The following DAB1 variants were observed in gnomAD, a reference collection of about 807,000 sequenced individuals.
DAB1 encodes disabled homolog 1.
In DAB1, 15 loss-of-function variants were observed where a neutral mutation model predicts 64.6. The ratio of observed to expected loss-of-function variants is 0.23; its 90% CI spans 0.16 to 0.36. The LOEUF is 0.36. DAB1 is among the 10% of genes least tolerant of loss of function. The pLI is 1.00. For missense variants in DAB1, 596 were observed against 706.7 expected, an observed-to-expected ratio of 0.84 and a Z score of 1.78; for synonymous variants, 235 against 251.9, an observed-to-expected ratio of 0.93 and a Z score of 0.64.
At chr1:57,984,189 AAAG>A (rs1557594870) in intron 5 of DAB1, among the ~76,000 whole-genome samples, 14,817 of 101,764 alleles carry the variant, frequency 0.15, 3,047 homozygotes, top group Admixed American at 0.17. Flanking sequence ...TAAAAAAAAG[AAAG>A]AAAGAAAGAA....
At chr1:58,379,428 A>G (rs1197685532) in intron 3 of DAB1, among the ~76,000 whole-genome samples, 23 of 152,200 alleles carry the variant, frequency 1.5e-4, no homozygotes, top group Non-Finnish European at 1.5e-5. Context: ...ATGGATTACA[A>G]CCCATTGAAA....
intron 2 of DAB1, among the ~76,000 whole-genome samples, chr1:57,146,077 T>C (rs959459555): frequency 1.3e-5 from 2 of 152,216 alleles, no homozygotes; most frequent in Non-Finnish European, 2.9e-5. Flanking sequence ...AGATAATATT[T>C]TGCTAAGACA....
chr1:57,679,728 A>G (rs1267603516), intron 6 of DAB1, among the ~76,000 whole-genome samples: 1 of 152,190 alleles, frequency 6.6e-6, no homozygotes, highest in Non-Finnish European at 1.5e-5. Context: ...AAAGTGGGAG[A>G]GACATATAAT....
At chr1:57,806,346 A>C (rs1254144732) in intron 6 of DAB1, among the ~76,000 whole-genome samples, 1 of 152,194 alleles carries the variant, frequency 6.6e-6, no homozygotes, top group Non-Finnish European at 1.5e-5. Flanking sequence ...AAATGAGGTC[A>C]TTAGGATAGA....
At chr1:58,439,868 TA>T (rs1004328941) in intron 3 of DAB1, among the ~76,000 whole-genome samples, 1 of 152,210 alleles carries the variant, frequency 6.6e-6, no homozygotes, top group African/African-American at 2.4e-5. Flanking sequence ...TCAGCCTCAT[TA>T]ACCCACTTTT....
chr1:57,096,020 G>A (rs1174341978), intron 4 of DAB1, among the ~76,000 whole-genome samples: 1 of 152,180 alleles, frequency 6.6e-6, no homozygotes, highest in East Asian at 1.9e-4. Flanking sequence ...TTGACTAAAT[G>A]TTTTCTTCTT....
At chr1:58,099,762 A>G (rs1197028096) in intron 5 of DAB1, among the ~76,000 whole-genome samples, 1 of 152,220 alleles carries the variant, frequency 6.6e-6, no homozygotes, top group Non-Finnish European at 1.5e-5. Context: ...TCTTATATAC[A>G]AGTAAACAAC....
intron 3 of DAB1, among the ~76,000 whole-genome samples, chr1:58,380,011 C>A (rs11588152): frequency 0.081 from 12,390 of 152,214 alleles, 682 homozygotes; most frequent in South Asian, 0.12. Flanking sequence ...TTCATGTCAG[C>A]CCCTAGAAGC....
At chr1:57,354,379 T>C (rs139127170) in intron 1 of DAB1, among the ~76,000 whole-genome samples, 7 of 152,210 alleles carry the variant, frequency 4.6e-5, no homozygotes, top group African/African-American at 1.4e-4. Flanking sequence ...CTAAAGACTT[T>C]ATGTGGGTTG....
intron 1 of DAB1, among the ~76,000 whole-genome samples, chr1:57,870,180 A>C (rs1419625775): frequency 2.0e-5 from 3 of 152,146 alleles, no homozygotes; most frequent in Non-Finnish European, 2.9e-5. Flanking sequence ...GGCCAGGTGC[A>C]TACAGGAGGC....
At chr1:58,249,695 G>A (rs976494047) in intron 4 of DAB1, among the ~76,000 whole-genome samples, 2 of 152,096 alleles carry the variant, frequency 1.3e-5, no homozygotes, top group Admixed American at 1.3e-4. Context: ...CGTCGACGCG[G>A]ATGAAGTTGT....
At chr1:57,686,069 T>A (rs534280599) in intron 6 of DAB1, among the ~76,000 whole-genome samples, 1 of 149,836 alleles carries the variant, frequency 6.7e-6, no homozygotes. Flanking sequence ...TAGAGAAGAA[T>A]TGAAATTGAG....
chr1:57,043,074 T>G (rs28379056), intron 9 of DAB1, among the ~76,000 whole-genome samples: 17 of 152,206 alleles, frequency 1.1e-4, no homozygotes, highest in African/African-American at 3.9e-4. Context: ...AATATCTGGA[T>G]GGCATTTTCA....
intron 1 of DAB1, among the ~76,000 whole-genome samples, chr1:57,322,827 C>G (rs1675830987): frequency 6.6e-6 from 1 of 152,196 alleles, no homozygotes; most frequent in African/African-American, 2.4e-5. Flanking sequence ...ACTGTGAATG[C>G]ACTGTTGCAC....
At chr1:58,076,509 A>G (rs922431934) in intron 5 of DAB1, among the ~76,000 whole-genome samples, 4 of 152,236 alleles carry the variant, frequency 2.6e-5, no homozygotes, top group Non-Finnish European at 4.4e-5. Flanking sequence ...GAAAGGAGCC[A>G]GCATGTACTA....
chr1:57,634,375 C>G (rs1416931016), intron 7 of DAB1, among the ~76,000 whole-genome samples: 1 of 152,148 alleles, frequency 6.6e-6, no homozygotes, highest in East Asian at 1.9e-4. Flanking sequence ...TTGAACCTTT[C>G]TAAGGTGTAA....
At chr1:57,659,327 C>G (rs1646357100) in intron 6 of DAB1, among the ~76,000 whole-genome samples, 1 of 152,036 alleles carries the variant, frequency 6.6e-6, no homozygotes, top group African/African-American at 2.4e-5. Context: ...ATTAATAAAC[C>G]CTGCAAAATA....
At chr1:57,572,952 T>C (rs1201456557) in intron 7 of DAB1, among the ~76,000 whole-genome samples, 2 of 152,110 alleles carry the variant, frequency 1.3e-5, no homozygotes. Context: ...CACCAAACCA[T>C]TAAGGATCCA....
intron 1 of DAB1, among the ~76,000 whole-genome samples, chr1:57,827,948 GT>G (rs1652426740): frequency 6.6e-6 from 1 of 152,138 alleles, no homozygotes; most frequent in Non-Finnish European, 1.5e-5. Flanking sequence ...ATCTTTGTTT[GT>G]TTGTTTTTGT....
Sources: gnomAD v4.1 joint callset for allele counts (sites outside exome capture counted in the v4.1 genomes callset) on GRCh38, gnomAD v4.1.1 for gene constraint, MANE v1.5 for transcripts, NCBI Gene and HGNC (gene_info 2026-07-23, HGNC 2026-07-21) for gene names.